The following HS3ST1 variants were observed in gnomAD, a reference collection of about 807,000 sequenced individuals.
HS3ST1 encodes heparan sulfate-glucosamine 3-sulfotransferase 1.
In HS3ST1, 8 loss-of-function variants were observed where a neutral mutation model predicts 20.7. That is an observed-to-expected ratio of 0.39 (90% CI 0.23 to 0.70). The LOEUF is 0.70. Ranked by LOEUF, HS3ST1 falls within the 30% of genes least tolerant of loss-of-function variation. The probability of loss-of-function intolerance (pLI) is 0.46; values close to 1 mark genes in which losing one functional copy is unlikely to be tolerated. For synonymous variants in HS3ST1, 205 were observed against 190.4 expected, an observed-to-expected ratio of 1.08 and a Z score of -0.63; for missense variants, 436 against 423.4, an observed-to-expected ratio of 1.03 and a Z score of -0.26.
chr4:11,420,469 A>C (rs1718903643), intron 1 of HS3ST1, among the ~76,000 whole-genome samples: 1 of 152,234 alleles, frequency 6.6e-6, no homozygotes, highest in African/African-American at 2.4e-5. Context: ...TTCAAAGCAC[A>C]AAGTATCCCT....
intron 1 of HS3ST1, among the ~76,000 whole-genome samples, chr4:11,427,984 C>T (rs1232151894): frequency 2.6e-5 from 4 of 152,216 alleles, no homozygotes; most frequent in African/African-American, 4.8e-5. Flanking sequence ...GGGGTCTAGG[C>T]GTTCCAACCG....
intron 1 of HS3ST1, among the ~76,000 whole-genome samples, chr4:11,405,843 C>T (rs1718450215): frequency 6.6e-6 from 1 of 152,196 alleles, no homozygotes; most frequent in South Asian, 2.1e-4. Context: ...ACATAATTCA[C>T]ATCATGACCT....
At position 11,396,134 on chromosome 4, in the gene HS3ST1, A is replaced by G. The variant is rs1211123211; in HGVS notation, c.*2948T>C. On this transcript the variant is annotated 3_prime_UTR_variant, in exon 2 of 2. Coordinates refer to ENST00000002596, the MANE Select transcript of HS3ST1 (RefSeq NM_005114.4). Reference sequence around the variant, plus strand: ...TAGGCATCGGCCTCTCCTGCCCTCCATCTCCTTTCAGTTGGGTAAGCCTCC... The same window carrying G: ...TAGGCATCGGCCTCTCCTGCCCTCCGTCTCCTTTCAGTTGGGTAAGCCTCC... 6.6e-6 allele frequency: 1 copy of G among 152,174 alleles called. No homozygotes were observed. The highest frequency in any genetic ancestry group is 1.5e-5 in the Non-Finnish European group (1 of 68,054). The allele number at this position is 152,174 out of a possible 1,614,324, so 9.4% of individuals were successfully genotyped here.
In HS3ST1 at chr4:11,399,901, C is replaced by T. The variant is rs748938683; in HGVS notation, c.105G>A (p.Gly35=). 3.7e-6 allele frequency: 6 copies of T among 1,608,418 alleles called. No individual in the cohort carries two copies. Among genetic ancestry groups the T allele is most frequent in the Non-Finnish European group, 4.2e-6 (5 of 1,178,830 alleles). Residue 35 remains glycine, a synonymous_variant, in exon 2 of 2, where the codon GGG becomes GGA. Transcript: ENST00000002596. The surrounding 1 kb of genome is among the most constrained non-coding windows in gnomAD (Gnocchi z 5.1). The stretch of plus-strand genomic sequence containing the variant: ...CATCGCGGACGTCATCCTGGAGGGT[C>T]CCCGCTTTCCGCAGAAGCTCCTGCT... ...LGQQELLRKA[G]TLQDDVRDGV...
rs1180406008 is a variant in HS3ST1, at chr4:11,394,478, G to GC, written c.*4603dup. The GC allele has an allele frequency of 6.6e-6, 1 of 152,200 alleles. No individual in the cohort carries two copies. The highest frequency in any genetic ancestry group is 1.5e-5 in the Non-Finnish European group (1 of 68,042). 9.4% of individuals were successfully genotyped at this position (152,200 alleles called of 1,614,324 possible). A position where few individuals can be genotyped will look rare whatever the true frequency, so the allele number is the denominator to read the frequency against. ...GCTGTTTGGAGAACTCTGTTATGTT[G>GC]CTCTGGCCTTTAACTCAGGCTCAGT... On this transcript the variant is annotated 3_prime_UTR_variant, in exon 2 of 2. Coordinates refer to ENST00000002596, the MANE Select transcript of HS3ST1 (RefSeq NM_005114.4).
At chr4:11,420,078 C>G (rs1196351321) in intron 1 of HS3ST1, among the ~76,000 whole-genome samples, 1 of 152,228 alleles carries the variant, frequency 6.6e-6, no homozygotes, top group Non-Finnish European at 1.5e-5. Flanking sequence ...GCTGTTCTAC[C>G]TTCTTTCTGT....
At position 11,399,925 on chromosome 4, in the gene HS3ST1, C is replaced by T. The variant is rs765519787; in HGVS notation, c.81G>A (p.Gln27=). 5 of 1,597,672 alleles carry T rather than the reference C, an allele frequency of 3.1e-6. No individual in the cohort carries two copies. In the South Asian group the frequency reaches 5.6e-5, roughly 18 times the overall value. ...TCCCCGCTTTCCGCAGAAGCTCCTGCTGGCCTAGCTCGGCGGGGCGGGAAG... is the reference window on the plus strand; with the variant it reads ...TCCCCGCTTTCCGCAGAAGCTCCTGTTGGCCTAGCTCGGCGGGGCGGGAAG... The part of the protein sequence containing the change: ...LVPSRPAELG[Q]QELLRKAGTL... The change falls in exon 2 of 2, where the codon CAG becomes CAA. Residue 27 remains glutamine (Q), a synonymous_variant. Coordinates refer to ENST00000002596, the MANE Select transcript of HS3ST1 (RefSeq NM_005114.4). The surrounding 1 kb of genome is among the most constrained non-coding windows in gnomAD (Gnocchi z 5.1).
At chr4:11,430,733 G>A (rs1719187277), upstream of HS3ST1, among the ~76,000 whole-genome samples, 1 of 152,180 alleles carries the variant, frequency 6.6e-6, no homozygotes, top group Non-Finnish European at 1.5e-5. Flanking sequence ...GAAAGAAACT[G>A]GAACCCCAGG....
intron 1 of HS3ST1, among the ~76,000 whole-genome samples, chr4:11,412,881 G>T (rs1010665741): frequency 2.0e-5 from 3 of 152,212 alleles, no homozygotes; most frequent in African/African-American, 7.2e-5. Flanking sequence ...CATCATGATG[G>T]TATTGGAGGT....
upstream of HS3ST1, chr4:11,429,128 G>C (rs1719148167): frequency 1.3e-5 from 2 of 152,394 alleles, no homozygotes; most frequent in East Asian, 3.8e-4. Context: ...AGCCCCGCCT[G>C]GCACGCAGCT....
chr4:11,432,147 C>T (rs186125267), upstream of HS3ST1, among the ~76,000 whole-genome samples: 6 of 152,056 alleles, frequency 3.9e-5, no homozygotes, highest in South Asian at 6.2e-4. Context: ...TAATAGGAGA[C>T]GGGAGGTCAG....
intron 1 of HS3ST1, among the ~76,000 whole-genome samples, chr4:11,419,895 T>G (rs1577447072): frequency 6.6e-6 from 1 of 152,346 alleles, no homozygotes; most frequent in East Asian, 1.9e-4. Context: ...CTTATTAATT[T>G]AATGCACATG....
rs1168541598 is a variant in HS3ST1 at position 11,399,290 on chromosome 4, G to A, written c.716C>T (p.Pro239Leu). The A allele has an allele frequency of 1.9e-6, 3 of 1,614,130 alleles. No individual in the cohort carries two copies. Among genetic ancestry groups the A allele is most frequent in the South Asian group, 2.2e-5 (2 of 91,070 alleles). Residue 239 changes from proline to leucine, a missense_variant, in exon 2 of 2, where the codon CCG (proline) becomes CTG (leucine). Physicochemically the swap from Pro to Leu is moderately conservative, Grantham distance 98. Coordinates refer to ENST00000002596, the MANE Select transcript of HS3ST1 (RefSeq NM_005114.4). This position sits in a 1 kb window ranked among gnomAD's most constrained non-coding sequence, Gnocchi z 5.1. The part of the protein sequence containing the change: ...QKVERFLKLS[P>L]QINASNFYFN... ...GTAGAAGTTCGAAGCATTGATCTGCGGCGACAGCTTTAGGAACCTCTCGAC... is the reference window on the plus strand; with the variant it reads ...GTAGAAGTTCGAAGCATTGATCTGCAGCGACAGCTTTAGGAACCTCTCGAC...
At chr4:11,433,838 A>C (rs1049725149), upstream of HS3ST1, among the ~76,000 whole-genome samples, 5 of 152,368 alleles carry the variant, frequency 3.3e-5, no homozygotes, top group Non-Finnish European at 7.3e-5. Context: ...GTGCATTAAC[A>C]GAAAAATTAC....
In HS3ST1 at chr4:11,395,444, A is replaced by G. The variant is rs1718109364; in HGVS notation, c.*3638T>C. 7.3e-6 allele frequency: 1 copy of G among 137,870 alleles called. No homozygotes were observed. The highest frequency in any genetic ancestry group is 2.7e-5 in the African/African-American group (1 of 37,206). The allele number at this position is 137,870 out of a possible 1,614,324, so 8.5% of individuals were successfully genotyped here. ...AAAAAAATGACTTGAAGTCAGGATT[A>G]CTTTTTTATTTTTTTATTATTAATT... On this transcript the variant is annotated 3_prime_UTR_variant, in exon 2 of 2. Transcript: ENST00000002596.
upstream of HS3ST1, among the ~76,000 whole-genome samples, chr4:11,432,065 A>G (rs549930169): frequency 1.2e-4 from 19 of 152,326 alleles, no homozygotes; most frequent in African/African-American, 4.6e-4. Flanking sequence ...CTCCTAGTCT[A>G]GTGCTCTATG....
chr4:11,403,189 GTGTT>G (rs1272512153), intron 1 of HS3ST1, among the ~76,000 whole-genome samples: 2 of 152,170 alleles, frequency 1.3e-5, no homozygotes, highest in Admixed American at 6.5e-5. Flanking sequence ...AAGTACATAT[GTGTT>G]TGTGTGTGTA....
intron 1 of HS3ST1, among the ~76,000 whole-genome samples, chr4:11,400,750 T>A (rs1718300771): frequency 6.6e-6 from 1 of 152,254 alleles, no homozygotes; most frequent in Admixed American, 6.5e-5. Flanking sequence ...GATTGCATGA[T>A]TAGTCCCAAT....
Position 11,393,301 on chromosome 4 carries a change from C to T in HS3ST1, c.*5781G>A, listed in dbSNP as rs1419930649. The T allele has an allele frequency of 6.6e-6, 1 of 152,112 alleles. No individual in the cohort carries two copies. The highest frequency in any genetic ancestry group is 1.5e-5 in the Non-Finnish European group (1 of 68,034). The allele number at this position is 152,112 out of a possible 1,614,324, so 9.4% of individuals were successfully genotyped here. A position where few individuals can be genotyped will look rare whatever the true frequency, so the allele number is the denominator to read the frequency against. ...GATGCATTATACTATTTTGGTAGTC[C>T]GATAAGCTAATAAAAGAGCCTACTA... On this transcript the variant is annotated 3_prime_UTR_variant, in exon 2 of 2. Transcript: ENST00000002596.
Sources: gnomAD v4.1 joint callset for allele counts (sites outside exome capture counted in the v4.1 genomes callset) on GRCh38, gnomAD v4.1.1 for gene constraint, Gnocchi (gnomAD v3.1) non-coding constraint, MANE v1.5 for transcripts, NCBI Gene and HGNC (gene_info 2026-07-23, HGNC 2026-07-21) for gene names.